SV2C: variants seen among roughly 807,000 people sequenced by gnomAD.
SV2C encodes the protein solute carrier family 22 member B3.
In SV2C, 49 loss-of-function variants were observed where a neutral mutation model predicts 79.7. The ratio of observed to expected loss-of-function variants is 0.61; its 90% CI spans 0.49 to 0.78. SV2C has a LOEUF of 0.78. Ranked by LOEUF, SV2C falls within the 30% of genes least tolerant of loss-of-function variation. The probability of loss-of-function intolerance (pLI) is 0.00; values close to 1 mark genes in which losing one functional copy is unlikely to be tolerated. For missense variants in SV2C, 833 were observed against 912.9 expected, an observed-to-expected ratio of 0.91 and a Z score of 1.13; for synonymous variants, 334 against 333.2, an observed-to-expected ratio of 1.00 and a Z score of -0.03.
intron 3 of SV2C, among the ~76,000 whole-genome samples, chr5:76,197,824 G>A (rs1744318874): frequency 6.6e-6 from 1 of 152,114 alleles, no homozygotes; most frequent in Admixed American, 6.6e-5. Flanking sequence ...GGAAATGCTG[G>A]GATGCCAGTA....
the SV2C span, among the ~76,000 whole-genome samples, chr5:75,869,382 G>T: frequency 2.0e-5 from 3 of 152,202 alleles, no homozygotes; most frequent in African/African-American, 2.4e-5. Context: ...TTCCCGGTGG[G>T]CCTGTGGTGG....
chr5:76,132,785 A>G (rs1012043001), intron 2 of SV2C, among the ~76,000 whole-genome samples: 1 of 152,138 alleles, frequency 6.6e-6, no homozygotes, highest in East Asian at 1.9e-4. Context: ...TATGTGTAAT[A>G]CAGTAGTTTA....
Position 76,210,289 on chromosome 5 carries a change from C to T in SV2C, c.913+402C>T, listed in dbSNP as rs1261950021. Among the ~76,000 whole-genome samples the T allele has an allele frequency of 2.6e-5, 4 of 152,246 alleles. No individual in the cohort carries two copies. In the East Asian group the frequency reaches 7.7e-4, roughly 29 times the overall value. ...TAAGGGCTCAGTCCCACAAGACTGC[C>T]CCCCATTTCAGAGGCCAATTGTAAG... On this transcript the variant is annotated intron_variant, in intron 4 of 12. Coordinates refer to ENST00000502798, the MANE Select transcript of SV2C (RefSeq NM_014979.4).
the SV2C span, among the ~76,000 whole-genome samples, chr5:76,009,998 T>G: frequency 0.023 from 3,249 of 144,258 alleles, 87 homozygotes; most frequent in African/African-American, 0.074. Context: ...TTTGTTTTTT[T>G]TTTTTTTTTT....
downstream of SV2C, among the ~76,000 whole-genome samples, chr5:76,337,839 C>T (rs1417557461): frequency 6.6e-6 from 1 of 151,728 alleles, no homozygotes; most frequent in East Asian, 1.9e-4. Context: ...TCTCTCTGCA[C>T]AGTAATTTAA....
the SV2C span, among the ~76,000 whole-genome samples, chr5:76,021,924 A>G: frequency 1.3e-5 from 2 of 152,130 alleles, no homozygotes; most frequent in Non-Finnish European, 2.9e-5. Flanking sequence ...AAAATCATTG[A>G]AATTATTAAT....
chr5:76,049,697 G>A, the SV2C span, among the ~76,000 whole-genome samples: 1 of 152,132 alleles, frequency 6.6e-6, no homozygotes, highest in African/African-American at 2.4e-5. Context: ...TAGGTTATTG[G>A]GTTTTGGTGT....
At chr5:76,071,317 A>G in the SV2C span, among the ~76,000 whole-genome samples, 1 of 152,192 alleles carries the variant, frequency 6.6e-6, no homozygotes, top group Non-Finnish European at 1.5e-5. Flanking sequence ...ACCGAGCAGG[A>G]GTTATAAAAG....
the SV2C span, among the ~76,000 whole-genome samples, chr5:75,987,895 T>C: frequency 6.6e-6 from 1 of 152,054 alleles, no homozygotes; most frequent in Non-Finnish European, 1.5e-5. Flanking sequence ...TGTGTGAGAA[T>C]CTTAACTCCA....
chr5:75,896,703 G>A, the SV2C span, among the ~76,000 whole-genome samples: 51 of 150,912 alleles, frequency 3.4e-4, no homozygotes, highest in African/African-American at 1.0e-3. Flanking sequence ...AAGTGTTCCT[G>A]TTTCTCCACA....
At chr5:75,989,982 G>GTT in the SV2C span, among the ~76,000 whole-genome samples, 3 of 146,792 alleles carry the variant, frequency 2.0e-5, no homozygotes, top group Admixed American at 6.8e-5. Flanking sequence ...TTTTAATGGG[G>GTT]TTTTTTTTTT....
At chr5:76,278,432 A>G (rs1747087136) in intron 4 of SV2C, among the ~76,000 whole-genome samples, 1 of 152,236 alleles carries the variant, frequency 6.6e-6, no homozygotes, top group African/African-American at 2.4e-5. Flanking sequence ...CCTGGAAGGT[A>G]CGAAGCCTGC....
Position 76,187,195 on chromosome 5 carries a change from A to G in SV2C, c.581-7724A>G, listed in dbSNP as rs150587712. ...AGCCATACATGCACAAAACACTGTA[A>G]TGTCTCCTCCCCTGTCTGATGGGCA... On this transcript the variant is annotated intron_variant, in intron 2 of 12. Transcript: ENST00000502798. 1.2e-4 allele frequency among the ~76,000 whole-genome samples: 19 copies of G among 152,308 alleles called. No individual in the cohort carries two copies. In the East Asian group the frequency reaches 2.9e-3, roughly 23 times the overall value.
At chr5:76,296,341 C>A (rs933985052) in intron 9 of SV2C, among the ~76,000 whole-genome samples, 1 of 152,194 alleles carries the variant, frequency 6.6e-6, no homozygotes, top group African/African-American at 2.4e-5. Flanking sequence ...GTCTTCTATT[C>A]CTGAGAAACA....
chr5:75,959,840 A>G, the SV2C span, among the ~76,000 whole-genome samples: 2 of 152,052 alleles, frequency 1.3e-5, no homozygotes, highest in East Asian at 3.9e-4. Context: ...AGATAAGACC[A>G]GTCCTATTCA....
the SV2C span, among the ~76,000 whole-genome samples, chr5:75,907,154 A>G: frequency 6.6e-6 from 1 of 151,732 alleles, no homozygotes; most frequent in African/African-American, 2.4e-5. Context: ...CAAATGACCA[A>G]CCCCTCAAGA....
chr5:76,229,257 C>T (rs1745343149), intron 4 of SV2C, among the ~76,000 whole-genome samples: 1 of 152,208 alleles, frequency 6.6e-6, no homozygotes, highest in Non-Finnish European at 1.5e-5. Context: ...GTTCTTCCTA[C>T]CCCCATCCAA....
At chr5:76,222,993 A>G (rs1196435426) in intron 4 of SV2C, among the ~76,000 whole-genome samples, 1 of 152,150 alleles carries the variant, frequency 6.6e-6, no homozygotes, top group Admixed American at 6.5e-5. Flanking sequence ...ACTTCTCCAG[A>G]GAGCAACACA....
At chr5:76,020,717 G>A in the SV2C span, among the ~76,000 whole-genome samples, 5 of 152,158 alleles carry the variant, frequency 3.3e-5, no homozygotes, top group African/African-American at 9.7e-5. Flanking sequence ...TGCCTTGCAA[G>A]TGGGCACGGC....
Sources: gnomAD v4.1 joint callset for allele counts (sites outside exome capture counted in the v4.1 genomes callset) on GRCh38, gnomAD v4.1.1 for gene constraint, MANE v1.5 for transcripts, NCBI Gene and HGNC (gene_info 2026-07-23, HGNC 2026-07-21) for gene names.